MLIP: variants seen among roughly 807,000 people sequenced by gnomAD.
MLIP encodes the protein muscular LMNA-interacting protein.
MLIP carries 79 observed loss-of-function variants against 84.8 expected under a neutral mutation model. That is an observed-to-expected ratio of 0.93 (90% CI 0.78 to 1.12). The LOEUF (loss-of-function observed/expected upper bound fraction) is 1.12. MLIP is among the 50% of genes most tolerant of loss of function. The pLI is 0.00. For synonymous variants in MLIP, 504 were observed against 463.0 expected (o/e 1.09, Z -1.14); for missense variants, 1,257 against 1,160.6 (o/e 1.08, Z -1.21).
rs1277660433 is a variant in MLIP, at chr6:54,090,120, T to C, written c.64-31327T>C. ...CTCATTTTTTTCTTTCTTATGCTTTTGGATATTAACAGAAGAAACATAAGC... is the reference window on the plus strand; with the variant it reads ...CTCATTTTTTTCTTTCTTATGCTTTCGGATATTAACAGAAGAAACATAAGC... On this transcript the variant is annotated intron_variant, in intron 1 of 12. Transcript: ENST00000274897. Among the ~76,000 whole-genome samples, 4 of 152,146 alleles carry C rather than the reference T, an allele frequency of 2.6e-5. No individual in the cohort carries two copies. In the East Asian group the frequency reaches 5.8e-4, roughly 22 times the overall value.
rs544211031 is a variant in MLIP, at chr6:54,238,914, T to TA, written c.2922+7999dup. Among the ~76,000 whole-genome samples, 38 of 152,322 alleles carry TA rather than the reference T, an allele frequency of 2.5e-4. No individual in the cohort carries two copies. The East Asian group carries it at 7.1e-3, about 29-fold the overall frequency. ...ATGCATGATCTTTGTGTGTTGTTTG[T>TA]AACCATACACTATTTTATTTCAAGT... On this transcript the variant is annotated intron_variant, in intron 12 of 13. Coordinates refer to ENST00000502396, the MANE Select transcript of MLIP (RefSeq NM_001281747.2).
At chr6:54,113,688 A>T (rs1769668021) in intron 1 of MLIP, among the ~76,000 whole-genome samples, 1 of 152,150 alleles carries the variant, frequency 6.6e-6, no homozygotes, top group East Asian at 1.9e-4. Flanking sequence ...CAAAGCCTGG[A>T]ATTTAGAATC....
intron 2 of MLIP, among the ~76,000 whole-genome samples, chr6:54,124,100 T>C (rs1301764073): frequency 1.3e-5 from 2 of 152,210 alleles, no homozygotes; most frequent in Non-Finnish European, 2.9e-5. Flanking sequence ...TTTTAAAGGA[T>C]ATACAGTTTG....
intron 5 of MLIP, 108 bp from the exon 6 acceptor site, chr6:54,160,259 A>ATTTTTTTT: frequency 1.2e-6 from 1 of 834,960 alleles, no homozygotes. Context: ...TACTGTAAAT[A>ATTTTTTTT]TTTTTTTCTT....
At chr6:54,222,416 C>T (rs1426391313) in intron 11 of MLIP, among the ~76,000 whole-genome samples, 3 of 151,992 alleles carry the variant, frequency 2.0e-5, no homozygotes, top group East Asian at 3.9e-4. Context: ...TACTCTCTGC[C>T]TTCTATGAGT....
At chr6:54,052,603 A>G (rs1765436885) in intron 1 of MLIP, among the ~76,000 whole-genome samples, 1 of 152,190 alleles carries the variant, frequency 6.6e-6, no homozygotes, top group African/African-American at 2.4e-5. Context: ...ACAATTGTTT[A>G]TATAGTGTCC....
chr6:54,067,483 T>G lies in MLIP; in HGVS notation c.63+48392T>G, dbSNP rs1390365451. Among the ~76,000 whole-genome samples, 2 of 101,168 alleles carry G rather than the reference T, an allele frequency of 2.0e-5. 1 individual carries two copies. Among genetic ancestry groups the G allele is most frequent in the East Asian group, 5.2e-4 (2 of 3,828 alleles). 66.4% of individuals were successfully genotyped at this position (101,168 alleles called of 152,430 possible). On this transcript the variant is annotated intron_variant, in intron 1 of 12. Transcript: ENST00000274897. ...TGTTCCTAATTAACCTTCCACAGCTTCTGTAGAATCCTTAATGTATCAGAT... is the reference window on the plus strand; with the variant it reads ...TGTTCCTAATTAACCTTCCACAGCTGCTGTAGAATCCTTAATGTATCAGAT...
chr6:54,264,061 T>A (rs1783548632), intron 13 of MLIP, among the ~76,000 whole-genome samples: 1 of 152,076 alleles, frequency 6.6e-6, no homozygotes, highest in Non-Finnish European at 1.5e-5. Flanking sequence ...CTTTTCCAAC[T>A]GGCTGCTAAA....
intron 9 of MLIP, 77 bp downstream of exon 9, chr6:54,169,649 A>G (rs1775570862): frequency 1.2e-6 from 1 of 857,676 alleles, no homozygotes; most frequent in East Asian, 3.0e-5. Context: ...ACTATTATAC[A>G]GTAATTTAAA....
intron 1 of MLIP, among the ~76,000 whole-genome samples, chr6:54,080,356 T>A (rs1767058225): frequency 6.6e-6 from 1 of 151,990 alleles, no homozygotes; most frequent in Non-Finnish European, 1.5e-5. Context: ...ATAGACTCCA[T>A]CTTCACCCCC....
At chr6:54,165,416 T>C (rs1041370168) in intron 8 of MLIP, among the ~76,000 whole-genome samples, 1 of 151,910 alleles carries the variant, frequency 6.6e-6, no homozygotes, top group Non-Finnish European at 1.5e-5. Flanking sequence ...AACTATTTTC[T>C]CCCCAAAGGC....
chr6:54,133,506 C>T (rs573388158), intron 3 of MLIP, among the ~76,000 whole-genome samples: 2 of 152,308 alleles, frequency 1.3e-5, no homozygotes, highest in South Asian at 4.1e-4. Context: ...CGATCCACAT[C>T]TGGTGCTGTC....
chr6:54,231,270 G>T (rs1780981575), intron 12 of MLIP, among the ~76,000 whole-genome samples: 1 of 152,072 alleles, frequency 6.6e-6, no homozygotes, highest in African/African-American at 2.4e-5. Flanking sequence ...TTCCTAAAAA[G>T]CTTCTTTAAA....
Position 54,117,963 on chromosome 6 carries a change from A to G in MLIP, c.97-3484A>G, listed in dbSNP as rs547764599. ...CTGTCTCAAAACAACAACAACAACAACAACAGCAACAACAACAACAACAAC... is the reference window on the plus strand; with the variant it reads ...CTGTCTCAAAACAACAACAACAACAGCAACAGCAACAACAACAACAACAAC... On this transcript the variant is annotated intron_variant, in intron 1 of 13. Transcript: ENST00000502396. Among the ~76,000 whole-genome samples, 480 of 128,900 alleles carry G rather than the reference A, an allele frequency of 3.7e-3. 4 individuals carry two copies. Among genetic ancestry groups the G allele is most frequent in the Non-Finnish European group, 4.6e-3 (284 of 61,316 alleles). 84.6% of individuals were successfully genotyped at this position (128,900 alleles called of 152,430 possible).
At chr6:54,108,119 C>T (rs1407053334), upstream of MLIP, among the ~76,000 whole-genome samples, 2 of 152,090 alleles carry the variant, frequency 1.3e-5, no homozygotes, top group Non-Finnish European at 2.9e-5. Context: ...CAGCTATCAT[C>T]AATAATGCCA....
chr6:54,078,235 C>G (rs938162626), intron 1 of MLIP, among the ~76,000 whole-genome samples: 1 of 152,198 alleles, frequency 6.6e-6, no homozygotes, highest in Non-Finnish European at 1.5e-5. Flanking sequence ...AAATATCACA[C>G]AGGCAGTAAT....
intron 11 of MLIP, among the ~76,000 whole-genome samples, chr6:54,223,953 A>T (rs1018312314): frequency 6.6e-6 from 1 of 151,744 alleles, no homozygotes; most frequent in Non-Finnish European, 1.5e-5. Context: ...TAATGTAAAA[A>T]TGCTAAATGA....
intron 4 of MLIP, 68 bp from the exon 5 acceptor site, chr6:54,148,988 G>A: frequency 7.6e-7 from 1 of 1,314,058 alleles, no homozygotes. Flanking sequence ...TGGTAGAACT[G>A]TCTGAAAATT....
chr6:54,112,130 C>T (rs992421051), intron 1 of MLIP, among the ~76,000 whole-genome samples: 1 of 152,148 alleles, frequency 6.6e-6, no homozygotes, highest in Non-Finnish European at 1.5e-5. Context: ...ACATTGACAA[C>T]TGAAAGTGTT....
Sources: gnomAD v4.1 joint callset for allele counts (sites outside exome capture counted in the v4.1 genomes callset) on GRCh38, gnomAD v4.1.1 for gene constraint, MANE v1.5 for transcripts, NCBI Gene and HGNC (gene_info 2026-07-23, HGNC 2026-07-21) for gene names.